CISH: variants seen among roughly 807,000 people sequenced by gnomAD.
CISH encodes the protein cytokine inducible SH2 containing protein, also known as cytokine-inducible SH2-containing protein.
Under a neutral mutation model 21.3 loss-of-function variants are expected in CISH, and 11 were observed. The ratio of observed to expected loss-of-function variants is 0.52; its 90% CI spans 0.32 to 0.85. The LOEUF is 0.85. Ranked by LOEUF, CISH falls within the 40% of genes least tolerant of loss-of-function variation. CISH has a pLI of 0.03. For synonymous variants in CISH, 118 were observed against 142.3 expected (o/e 0.83, Z 1.22); for missense variants, 280 against 351.7 (o/e 0.80, Z 1.63).
In CISH at chr3:50,607,780, G is replaced by T; in HGVS notation, c.604C>A (p.Pro202Thr). 1 of 1,613,910 alleles carries T rather than the reference G, an allele frequency of 6.2e-7. No individual in the cohort carries two copies. The highest frequency in any genetic ancestry group is 1.1e-5 in the South Asian group (1 of 91,086). The change falls in exon 3 of 3, where the codon CCA (proline) becomes ACA (threonine). Residue 202 changes from proline (P) to threonine (T), a missense_variant. Coordinates refer to ENST00000348721, the MANE Select transcript of CISH (RefSeq NM_145071.4). ...PSDPALPAPP[P>T]ATAVHLKLVQ... ...AGTTTTAGGTGTACAGCAGTGGCTG[G>T]TGGAGGAGCAGGCAGTGCTGGGTCA... is the stretch of plus-strand genomic sequence containing the variant.
rs1454010306 is a variant in CISH, at chr3:50,611,729, G to A, written c.-79C>T. The A allele has an allele frequency of 2.1e-6, 3 of 1,419,266 alleles. No homozygotes were observed. Among genetic ancestry groups the A allele is most frequent in the African/African-American group, 3.0e-5 (2 of 65,764 alleles). 87.9% of individuals were successfully genotyped at this position (1,419,266 alleles called of 1,614,324 possible). ...TGGAGGGAACCAGTGGGCGCGGAGC[G>A]CGTGCTGGGTAGGCTCCCGGGGCGC... On this transcript the variant is annotated 5_prime_UTR_variant, in exon 1 of 3. Transcript: ENST00000348721.
chr3:50,608,650 G>T, intron 1 of CISH, 57 bp from the exon 2 acceptor site: 1 of 1,283,304 alleles, frequency 7.8e-7, no homozygotes, highest in Non-Finnish European at 1.0e-6. Flanking sequence ...CATCTCCAGA[G>T]ACCCCCCTAT....
intron 1 of CISH, 196 bp from the exon 2 acceptor site, chr3:50,608,789 AT>A: frequency 4.6e-6 from 2 of 433,294 alleles, no homozygotes; most frequent in Non-Finnish European, 8.1e-6. Flanking sequence ...AGCCACCTTG[AT>A]TGTTTCCATG....
At chr3:50,611,506 G>T in intron 1 of CISH, 125 bp downstream of exon 1, 1 of 1,492,902 alleles carries the variant, frequency 6.7e-7, no homozygotes, top group Non-Finnish European at 8.9e-7. Context: ...TGCTCCTGAG[G>T]TCCGTCTGCG....
At chr3:50,610,948 T>A in intron 1 of CISH, 2 of 1,000,050 alleles carry the variant, frequency 2.0e-6, no homozygotes, top group South Asian at 8.6e-5. Flanking sequence ...CTTATCAGCA[T>A]CCCCTCTCCA....
In CISH at chr3:50,611,061, G is replaced by A. The variant is rs2032309044; in HGVS notation, c.20+570C>T. 4 of 990,474 alleles carry A rather than the reference G, an allele frequency of 4.0e-6. No individual in the cohort carries two copies. The African/African-American group carries it at 5.2e-5, about 13-fold the overall frequency. The allele number at this position is 990,474 out of a possible 1,614,324, so 61.4% of individuals were successfully genotyped here. The stretch of plus-strand genomic sequence containing the variant: ...CTGGGCTGAGACAGGGTTGTGAGAC[G>A]ATTGTGGGGGTACCCCAAGCAGGAC... On this transcript the variant is annotated intron_variant, in intron 1 of 2. Coordinates refer to ENST00000348721, the MANE Select transcript of CISH (RefSeq NM_145071.4).
intron 1 of CISH, chr3:50,611,158 G>A (rs1336801547): frequency 3.0e-6 from 3 of 1,000,424 alleles, no homozygotes; most frequent in African/African-American, 1.7e-5. Context: ...AAGGATCTGC[G>A]GCTGGCTTCC....
intron 1 of CISH, chr3:50,609,002 A>T (rs2032246337): frequency 1.1e-5 from 2 of 174,422 alleles, no homozygotes; most frequent in Non-Finnish European, 1.2e-5. Flanking sequence ...TAAATGGCCC[A>T]CTGATGAATG....
Position 50,611,731 on chromosome 3 carries a change from G to C in CISH, c.-81C>G. On this transcript the variant is annotated 5_prime_UTR_variant, in exon 1 of 3. Coordinates refer to ENST00000348721, the MANE Select transcript of CISH (RefSeq NM_145071.4). ...GAGGGAACCAGTGGGCGCGGAGCGC[G>C]TGCTGGGTAGGCTCCCGGGGCGCGC... 1 of 1,412,366 alleles carries C rather than the reference G, an allele frequency of 7.1e-7. No homozygotes were observed. 87.5% of individuals were successfully genotyped at this position (1,412,366 alleles called of 1,614,324 possible).
intron 1 of CISH, chr3:50,610,952 C>T: frequency 1.0e-6 from 1 of 999,252 alleles, no homozygotes; most frequent in Non-Finnish European, 1.2e-6. Flanking sequence ...TCAGCATCCC[C>T]TCTCCACTGT....
In CISH at chr3:50,611,653, C is replaced by G; in HGVS notation, c.-3G>C. On this transcript the variant is annotated 5_prime_UTR_variant, in exon 1 of 3. Transcript: ENST00000348721. ...TACCCCTGAACGCAGAGGACCATGT[C>G]CCCGCGGCAGCGGCGACTCCGGAGT... The G allele has an allele frequency of 3.4e-6, 5 of 1,490,926 alleles. No individual in the cohort carries two copies. The highest frequency in any genetic ancestry group is 4.5e-6 in the Non-Finnish European group (5 of 1,120,444). The allele number at this position is 1,490,926 out of a possible 1,614,324, so 92.4% of individuals were successfully genotyped here.
At chr3:50,610,506 C>A in intron 1 of CISH, 1 of 1,550,262 alleles carries the variant, frequency 6.5e-7, no homozygotes, top group Non-Finnish European at 8.7e-7. Flanking sequence ...AACAGTAGCC[C>A]TGAGCTTACA....
At chr3:50,610,676 T>A in intron 1 of CISH, 2 of 1,395,340 alleles carry the variant, frequency 1.4e-6, no homozygotes, top group South Asian at 3.1e-5. Context: ...GGAGAAGTAG[T>A]CTTCCCAGCA....
At position 50,607,391 on chromosome 3, in the gene CISH, A is replaced by C. The variant is rs1559477407; in HGVS notation, c.*216T>G. On this transcript the variant is annotated 3_prime_UTR_variant, in exon 3 of 3. Coordinates refer to ENST00000348721, the MANE Select transcript of CISH (RefSeq NM_145071.4). ...ATCCTCTGACACATGGCTCAGTATA[A>C]TGAAGCCACATGCGGCCTGGGGGCA... is the stretch of plus-strand genomic sequence containing the variant. 1.7e-6 allele frequency: 1 copy of C among 589,724 alleles called. No homozygotes were observed. The highest frequency in any genetic ancestry group is 3.0e-6 in the Non-Finnish European group (1 of 330,450). 36.5% of individuals were successfully genotyped at this position (589,724 alleles called of 1,614,324 possible). A position where few individuals can be genotyped will look rare whatever the true frequency, so the allele number is the denominator to read the frequency against.
rs1302153925 is a variant in CISH, at chr3:50,606,823, C to G, written c.*784G>C. On this transcript the variant is annotated 3_prime_UTR_variant, in exon 3 of 3. Transcript: ENST00000348721. ...GTCCTGTGAGGGGGTGAGACACAGG[C>G]TCTGCTGGGGACTGAGGCTCCGGCT... The G allele has an allele frequency of 1.3e-5, 2 of 152,382 alleles. No homozygotes were observed. Among genetic ancestry groups the G allele is most frequent in the African/African-American group, 4.8e-5 (2 of 41,462 alleles). The allele number at this position is 152,382 out of a possible 1,614,324, so 9.4% of individuals were successfully genotyped here. A position where few individuals can be genotyped will look rare whatever the true frequency, so the allele number is the denominator to read the frequency against.
Position 50,608,477 on chromosome 3 carries a change from A to T in CISH, c.137T>A (p.Val46Glu), listed in dbSNP as rs761502849. 2.6e-5 allele frequency: 42 copies of T among 1,613,060 alleles called. No homozygotes were observed. The change falls in exon 2 of 3, where the codon GTG (valine) becomes GAG (glutamate). Residue 46 changes from valine to glutamate, a missense_variant. Coordinates refer to ENST00000348721, the MANE Select transcript of CISH (RefSeq NM_145071.4). The part of the protein sequence containing the change: ...PLPAGAFLEE[V>E]AEGTPAQTES... Reference sequence around the variant, plus strand: ...TGTCTGGGCTGGGGTACCCTCTGCCACCTCCTCGAGGAAGGCCCCAGCAGG... The same window carrying T: ...TGTCTGGGCTGGGGTACCCTCTGCCTCCTCCTCGAGGAAGGCCCCAGCAGG...
intron 2 of CISH, 93 bp downstream of exon 2, chr3:50,608,280 C>T (rs1051296851): frequency 6.9e-5 from 100 of 1,456,218 alleles, no homozygotes; most frequent in South Asian, 6.1e-4. Flanking sequence ...TCTCCTGGGC[C>T]GGGCTATGCC....
intron 1 of CISH, chr3:50,610,382 G>A (rs1469323046): frequency 1.3e-6 from 2 of 1,551,538 alleles, no homozygotes; most frequent in Non-Finnish European, 1.7e-6. Context: ...CCTGGGCAGG[G>A]GTGTGTCCAT....
chr3:50,607,852 G>A lies in CISH; in HGVS notation c.532C>T (p.Pro178Ser), dbSNP rs757344255. ...TADTRSDSPD[P>S]APTPALPMPK... Reference sequence around the variant, plus strand: ...ATAGGCAGGGCCGGGGTGGGAGCAGGATCGGGGCTGTCGCTTCGGGTATCA... The same window carrying A: ...ATAGGCAGGGCCGGGGTGGGAGCAGAATCGGGGCTGTCGCTTCGGGTATCA... Residue 178 changes from proline to serine, a missense_variant, in exon 3 of 3, where the codon CCT becomes TCT. Pro to Ser is a moderately conservative substitution (Grantham distance 74). Transcript: ENST00000348721. 1.7e-5 allele frequency: 28 copies of A among 1,613,734 alleles called. No homozygotes were observed. In the East Asian group the frequency reaches 4.9e-4, roughly 28 times the overall value.
Sources: allele counts gnomAD v4.1 joint callset, GRCh38; gene constraint gnomAD v4.1.1; transcripts MANE v1.5; gene names NCBI Gene and HGNC (gene_info 2026-07-23, HGNC 2026-07-21).